The following CNTLN variants were observed in gnomAD, a reference collection of about 807,000 sequenced individuals.
CNTLN encodes the protein centlein.
In CNTLN, 212 loss-of-function variants were observed where a neutral mutation model predicts 180.0. The ratio of observed to expected loss-of-function variants is 1.18; its 90% CI spans 1.05 to 1.32. The LOEUF (loss-of-function observed/expected upper bound fraction) is 1.32, where lower values mean the gene tolerates loss of function less well. CNTLN is among the 40% of genes most tolerant of loss of function. CNTLN has a pLI of 0.00. For missense variants in CNTLN, 2,095 were observed against 1,610.9 expected, an observed-to-expected ratio of 1.30 and a Z score of -5.14; for synonymous variants, 722 against 563.1, an observed-to-expected ratio of 1.28 and a Z score of -3.99.
At chr9:17,203,291 G>A (rs1232876648) in intron 2 of CNTLN, among the ~76,000 whole-genome samples, 1 of 152,108 alleles carries the variant, frequency 6.6e-6, no homozygotes, top group Non-Finnish European at 1.5e-5. Flanking sequence ...TTTCAACGTT[G>A]GAGAATCTGA....
At position 17,330,761 on chromosome 9, in the gene CNTLN, G is replaced by C. The variant is rs200975303; in HGVS notation, c.1471G>C (p.Gly491Arg). ...GTCAGAAAACATATCTGCCAACAAG[G>C]GTTTCTCCCGAAAGAGCATCATGAC... is the stretch of plus-strand genomic sequence containing the variant. The part of the protein sequence containing the change: ...KLSENISANK[G>R]FSRKSIMTSA... The change falls in exon 9 of 26, where the codon GGT becomes CGT. Residue 491 changes from glycine (G) to arginine (R), a missense_variant. By Grantham distance (125) the Gly-to-Arg change is moderately radical (BLOSUM62 -2). Coordinates refer to ENST00000380647, the MANE Select transcript of CNTLN (RefSeq NM_017738.4). The C allele has an allele frequency of 7.5e-6, 12 of 1,610,516 alleles. No homozygotes were observed. In the Admixed American group the frequency reaches 8.4e-5, roughly 11 times the overall value.
chr9:17,267,168 G>T (rs1205909956), intron 5 of CNTLN, among the ~76,000 whole-genome samples: 3 of 152,014 alleles, frequency 2.0e-5, no homozygotes, highest in East Asian at 1.9e-4. Flanking sequence ...TTTTTGCAGT[G>T]GCTGGTACCG....
At chr9:17,370,553 G>T (rs1824230526) in intron 13 of CNTLN, among the ~76,000 whole-genome samples, 1 of 152,076 alleles carries the variant, frequency 6.6e-6, no homozygotes, top group African/African-American at 2.4e-5. Flanking sequence ...CCTACAAGAA[G>T]TCATAAATGG....
chr9:17,423,018 T>C (rs1390501557), intron 18 of CNTLN, among the ~76,000 whole-genome samples: 1 of 152,196 alleles, frequency 6.6e-6, no homozygotes, highest in East Asian at 1.9e-4. Flanking sequence ...GAGAATTCCC[T>C]GGATTGCCAG....
intron 13 of CNTLN, among the ~76,000 whole-genome samples, chr9:17,367,931 G>A (rs555224100): frequency 6.6e-6 from 1 of 152,102 alleles, no homozygotes; most frequent in Non-Finnish European, 1.5e-5. Context: ...AGCTGTGGTG[G>A]CTGTGGTGAG....
chr9:17,218,000 G>A (rs553939345), intron 2 of CNTLN, among the ~76,000 whole-genome samples: 1 of 152,092 alleles, frequency 6.6e-6, no homozygotes, highest in African/African-American at 2.4e-5. Flanking sequence ...TTTGTTTAAA[G>A]GGTTCATCTG....
chr9:17,413,814 C>G (rs1266218120), intron 16 of CNTLN, among the ~76,000 whole-genome samples: 1 of 152,154 alleles, frequency 6.6e-6, no homozygotes, highest in East Asian at 1.9e-4. Context: ...TTGTCAGTTT[C>G]TTAAAAACTA....
intron 8 of CNTLN, among the ~76,000 whole-genome samples, chr9:17,310,514 G>A (rs10756862): frequency 0.84 from 127,212 of 152,166 alleles, 53,350 homozygotes; most frequent in Non-Finnish European, 0.87. Flanking sequence ...ACTGTTATGG[G>A]TAATATTACT....
At chr9:17,513,073 C>T in the CNTLN span, among the ~76,000 whole-genome samples, 1 of 152,136 alleles carries the variant, frequency 6.6e-6, no homozygotes, top group Non-Finnish European at 1.5e-5. Flanking sequence ...CCCTCCTTGG[C>T]CTCCCAAAGT....
intron 2 of CNTLN, among the ~76,000 whole-genome samples, chr9:17,171,142 A>C (rs1032541701): frequency 6.6e-6 from 1 of 152,230 alleles, no homozygotes; most frequent in Non-Finnish European, 1.5e-5. Context: ...GACAATTCAA[A>C]TATCTGCACA....
At chr9:17,383,343 A>T (rs1405512726) in intron 13 of CNTLN, among the ~76,000 whole-genome samples, 4 of 151,478 alleles carry the variant, frequency 2.6e-5, no homozygotes, top group Non-Finnish European at 4.4e-5. Flanking sequence ...AGCCTGGGCA[A>T]CCCTGTCTCT....
chr9:17,235,773 A>T lies in CNTLN; in HGVS notation c.650A>T (p.Asp217Val), dbSNP rs1252331401. 1.2e-6 allele frequency: 2 copies of T among 1,605,194 alleles called. No homozygotes were observed. Among genetic ancestry groups the T allele is most frequent in the South Asian group, 1.1e-5 (1 of 88,786 alleles). ...AGTGACTTGGAGAAGAAATTTAAAG[A>T]TAAAAGTCAAGAAATTAAGGTGTGT... ...EFSDLEKKFK[D>V]KSQEIKDTKE... The change falls in exon 4 of 26, where the codon GAT (aspartate) becomes GTT (valine). Residue 217 changes from aspartate to valine, a missense_variant. Asp to Val is a radical substitution (Grantham distance 152). Coordinates refer to ENST00000380647, the MANE Select transcript of CNTLN (RefSeq NM_017738.4).
chr9:17,381,470 G>T (rs913758577), intron 13 of CNTLN, among the ~76,000 whole-genome samples: 4 of 152,146 alleles, frequency 2.6e-5, no homozygotes, highest in African/African-American at 9.7e-5. Context: ...TGCCTTCCAG[G>T]TTATGCCAGG....
chr9:17,438,388 A>T (rs1461651987), intron 18 of CNTLN, among the ~76,000 whole-genome samples: 3 of 152,184 alleles, frequency 2.0e-5, no homozygotes, highest in African/African-American at 7.2e-5. Flanking sequence ...CAAAAGTTTG[A>T]TGACCAATTG....
intron 2 of CNTLN, among the ~76,000 whole-genome samples, chr9:17,191,473 T>C (rs1437485299): frequency 6.6e-6 from 1 of 152,224 alleles, no homozygotes; most frequent in East Asian, 1.9e-4. Flanking sequence ...TGACACACAT[T>C]CTGGGTACTA....
At position 17,388,187 on chromosome 9, in the gene CNTLN, T is replaced by A. The variant is rs767785948; in HGVS notation, c.2013T>A (p.Asp671Glu). 5.0e-6 allele frequency: 8 copies of A among 1,611,516 alleles called. No individual in the cohort carries two copies. Among genetic ancestry groups the A allele is most frequent in the Non-Finnish European group, 6.8e-6 (8 of 1,178,296 alleles). Residue 671 changes from aspartate (D) to glutamate (E), a missense_variant, in exon 14 of 26, where the codon GAT becomes GAA. Physicochemically the swap from Asp to Glu is conservative, Grantham distance 45. Transcript: ENST00000380647. ...AACAGCTCTTTAGATCTGGTGAAGA[T>A]GATGAGGTCAAGAGGAGTACTCCAG... ...REEQLFRSGEDDEVKRSTPEK... is the reference protein window; with the variant it reads ...REEQLFRSGEEDEVKRSTPEK...
At chr9:17,183,413 G>T (rs1361252440) in intron 2 of CNTLN, among the ~76,000 whole-genome samples, 3 of 151,740 alleles carry the variant, frequency 2.0e-5, no homozygotes, top group Non-Finnish European at 2.9e-5. Flanking sequence ...GAGTAGGGTT[G>T]CAGTCTTATA....
the CNTLN span, among the ~76,000 whole-genome samples, chr9:17,515,587 A>G: frequency 1.3e-5 from 2 of 151,960 alleles, no homozygotes; most frequent in African/African-American, 4.8e-5. Context: ...GCAACCCTAA[A>G]CTTCCATTTT....
rs564357003 is a variant in CNTLN, at chr9:17,291,238, G to GT, written c.984-6951dup. The stretch of plus-strand genomic sequence containing the variant: ...TCCCAAGTACGTGACTGATTTTAGA[G>GT]TAAGTGCTATGTGCTATGTGTCGCC... On this transcript the variant is annotated intron_variant, in intron 6 of 25. Coordinates refer to ENST00000380647, the MANE Select transcript of CNTLN (RefSeq NM_017738.4). Among the ~76,000 whole-genome samples, 109 of 152,298 alleles carry GT rather than the reference G, an allele frequency of 7.2e-4. 2 individuals carry two copies. Among genetic ancestry groups the GT allele is most frequent in the African/African-American group, 2.1e-3 (87 of 41,582 alleles).
Sources: gnomAD v4.1 joint callset for allele counts (sites outside exome capture counted in the v4.1 genomes callset) on GRCh38, gnomAD v4.1.1 for gene constraint, MANE v1.5 for transcripts, NCBI Gene and HGNC (gene_info 2026-07-23, HGNC 2026-07-21) for gene names.